The following EHBP1 variants were observed in gnomAD, a reference collection of about 807,000 sequenced individuals.
The protein encoded by EHBP1 is EH domain-binding protein 1.
Under a neutral mutation model 144.0 loss-of-function variants are expected in EHBP1, and 55 were observed. That is an observed-to-expected ratio of 0.38 (90% confidence interval 0.31 to 0.48). The LOEUF is 0.48. Among genes scored for constraint, EHBP1 ranks in the 20% least tolerant of loss-of-function variants. The pLI is 0.98. For missense variants in EHBP1, 1,200 were observed against 1,364.2 expected, an observed-to-expected ratio of 0.88 and a Z score of 1.90; for synonymous variants, 469 against 472.7, an observed-to-expected ratio of 0.99 and a Z score of 0.10.
intron 10 of EHBP1, among the ~76,000 whole-genome samples, chr2:62,875,717 A>G (rs1204267044): frequency 6.6e-6 from 1 of 152,212 alleles, no homozygotes; most frequent in Non-Finnish European, 1.5e-5. Context: ...GAGAAAGTTG[A>G]AATGTAATCC....
intron 19 of EHBP1, among the ~76,000 whole-genome samples, chr2:63,034,384 G>A (rs1317508638): frequency 1.3e-5 from 2 of 151,878 alleles, no homozygotes; most frequent in African/African-American, 2.4e-5. Flanking sequence ...ATTTAAAAAG[G>A]ATTATTGTTG....
chr2:63,011,540 CT>C (rs1191700056), intron 19 of EHBP1, among the ~76,000 whole-genome samples: 1 of 151,798 alleles, frequency 6.6e-6, no homozygotes, highest in Admixed American at 6.6e-5. Context: ...GAAGTTCAGC[CT>C]TTTTACATCT....
rs888028550 is a variant in EHBP1, at chr2:63,016,436, T to TGG, written c.3103+19675_3103+19676dup. ...GGGTTTTTTGTTTGTTTTTCTGTTT[T>TGG]GGGGGGTTGGGGGAATGGAGTCTCG... On this transcript the variant is annotated intron_variant, in intron 19 of 22. Coordinates refer to ENST00000431489, the MANE Select transcript of EHBP1 (RefSeq NM_001142616.3). Among the ~76,000 whole-genome samples the TGG allele has an allele frequency of 4.1e-5, 6 of 146,920 alleles. No individual in the cohort carries two copies. In the East Asian group the frequency reaches 1.2e-3, roughly 30 times the overall value.
intron 7 of EHBP1, among the ~76,000 whole-genome samples, chr2:62,845,853 A>G (rs1462486859): frequency 2.0e-5 from 3 of 152,192 alleles, no homozygotes; most frequent in African/African-American, 7.2e-5. Context: ...AGTTAAAAGG[A>G]TGAGAATATC....
chr2:62,934,536 C>CA (rs2056233447), intron 10 of EHBP1, among the ~76,000 whole-genome samples: 1 of 152,190 alleles, frequency 6.6e-6, no homozygotes, highest in Admixed American at 6.5e-5. Flanking sequence ...GGACAGGAAA[C>CA]ATAGCATATT....
intron 2 of EHBP1, among the ~76,000 whole-genome samples, chr2:62,732,156 T>C (rs2037663742): frequency 6.6e-6 from 1 of 152,194 alleles, no homozygotes; most frequent in Admixed American, 6.5e-5. Flanking sequence ...TCTTTCAATA[T>C]TTTCCTTTGT....
chr2:62,854,189 C>T (rs2152769676), intron 7 of EHBP1, among the ~76,000 whole-genome samples: 1 of 152,284 alleles, frequency 6.6e-6, no homozygotes, highest in Non-Finnish European at 1.5e-5. Context: ...TAGGGCCTTG[C>T]TCTGGGTTAG....
intron 19 of EHBP1, among the ~76,000 whole-genome samples, chr2:63,026,828 A>G (rs1038748224): frequency 5.3e-5 from 8 of 152,348 alleles, no homozygotes; most frequent in African/African-American, 1.9e-4. Context: ...GAAGAATGGT[A>G]TGCTGCTCTG....
intron 2 of EHBP1, among the ~76,000 whole-genome samples, chr2:62,724,135 C>G (rs184521997): frequency 6.6e-6 from 1 of 152,210 alleles, no homozygotes; most frequent in Non-Finnish European, 1.5e-5. Flanking sequence ...GGTCTCTTCA[C>G]ATAATCCCAT....
At chr2:62,872,821 G>A (rs1256525807) in intron 9 of EHBP1, among the ~76,000 whole-genome samples, 1 of 151,996 alleles carries the variant, frequency 6.6e-6, no homozygotes, top group African/African-American at 2.4e-5. Context: ...TGACTATTCT[G>A]GACATTTCAC....
At chr2:62,738,677 C>G (rs1301177139) in intron 2 of EHBP1, among the ~76,000 whole-genome samples, 2 of 152,138 alleles carry the variant, frequency 1.3e-5, no homozygotes, top group Non-Finnish European at 2.9e-5. Flanking sequence ...CTGTATTTCT[C>G]TCTTTTAAAA....
chr2:62,842,663 T>C (rs1355215435), intron 7 of EHBP1, among the ~76,000 whole-genome samples: 1 of 152,224 alleles, frequency 6.6e-6, no homozygotes, highest in African/African-American at 2.4e-5. Context: ...GTAGGCATTT[T>C]CCTATAGACT....
At chr2:62,765,328 C>T (rs2041092661) in intron 4 of EHBP1, among the ~76,000 whole-genome samples, 1 of 152,084 alleles carries the variant, frequency 6.6e-6, no homozygotes, top group African/African-American at 2.4e-5. Context: ...AGGGATAATA[C>T]ATTATCTGTG....
chr2:62,993,748 A>ATC, intron 17 of EHBP1, 80 bp downstream of exon 17: 1 of 677,284 alleles, frequency 1.5e-6, no homozygotes, highest in Non-Finnish European at 2.0e-6. Flanking sequence ...TATATATAGT[A>ATC]TATATATATA....
At chr2:62,957,641 C>CTTTTTGTTTTTTTTTTTTTT (rs2057769884) in intron 14 of EHBP1, among the ~76,000 whole-genome samples, 1 of 87,174 alleles carries the variant, frequency 1.1e-5, no homozygotes, top group African/African-American at 5.1e-5. Flanking sequence ...AAAATAAATG[C>CTTTTTGTTTTTTTTTTTTTT]TTTTTTTTTT....
intron 19 of EHBP1, among the ~76,000 whole-genome samples, chr2:62,999,435 G>A (rs1183228513): frequency 1.3e-5 from 2 of 152,102 alleles, no homozygotes; most frequent in African/African-American, 4.8e-5. Context: ...ATTTTCAGAA[G>A]TTTTTCATCA....
At chr2:62,858,103 T>C (rs947872549) in intron 7 of EHBP1, among the ~76,000 whole-genome samples, 2 of 152,240 alleles carry the variant, frequency 1.3e-5, no homozygotes, top group Non-Finnish European at 2.9e-5. Context: ...ATTTTGTAAA[T>C]GTGAAATGTG....
chr2:62,965,362 A>G (rs777798230), intron 14 of EHBP1, among the ~76,000 whole-genome samples: 1 of 152,186 alleles, frequency 6.6e-6, no homozygotes, highest in Admixed American at 6.6e-5. Flanking sequence ...TTTTAGTGCT[A>G]TTTTAAACTA....
intron 2 of EHBP1, among the ~76,000 whole-genome samples, chr2:62,718,058 AT>A (rs951382086): frequency 6.6e-6 from 1 of 152,252 alleles, no homozygotes; most frequent in Non-Finnish European, 1.5e-5. Context: ...TCCAAAGAGG[AT>A]TTTTATTATG....
Sources: allele counts gnomAD v4.1 joint callset (sites outside exome capture counted in the v4.1 genomes callset), GRCh38; gene constraint gnomAD v4.1.1; transcripts MANE v1.5; gene names NCBI Gene and HGNC (gene_info 2026-07-23, HGNC 2026-07-21).